Variants in EFL1 observed in about 807,000 individuals in gnomAD.
EFL1 encodes the protein elongation factor-like GTPase 1.
A neutral mutation model predicts 126.7 loss-of-function variants in EFL1; 76 were observed. The observed-to-expected ratio is 0.60, with a 90% CI of 0.50 to 0.73. EFL1 has a LOEUF of 0.73. Among genes scored for constraint, EFL1 ranks in the 30% least tolerant of loss-of-function variants. The pLI, the probability that EFL1 is intolerant of heterozygous loss-of-function variation, is 0.00. For synonymous variants in EFL1, 410 were observed against 448.4 expected (o/e 0.91, Z 1.08); for missense variants, 1,128 against 1,343.2 (o/e 0.84, Z 2.50).
In EFL1 at chr15:82,151,545, C is replaced by G; in HGVS notation, c.2909G>C (p.Arg970Pro). Residue 970 changes from arginine to proline, a missense_variant, in exon 18 of 20, where the codon CGC becomes CCC. This residue lies in a region of EFL1 where 561 missense variants were observed against 641.7 expected (regional missense o/e 0.87). Transcript: ENST00000268206. ...QLIATMKEAC[R>P]YALQVKPQRL... ...CTGAGGTTTCACTTGCAGTGCATAGCGACATGCTTCTTTCATGGTGGCAAT... is the reference window on the plus strand; with the variant it reads ...CTGAGGTTTCACTTGCAGTGCATAGGGACATGCTTCTTTCATGGTGGCAAT... 6.2e-7 allele frequency: 1 copy of G among 1,614,074 alleles called. No homozygotes were observed. The highest frequency in any genetic ancestry group is 8.5e-7 in the Non-Finnish European group (1 of 1,180,024).
At chr15:82,147,588 G>C (rs1324567030) in intron 18 of EFL1, among the ~76,000 whole-genome samples, 1 of 145,858 alleles carries the variant, frequency 6.9e-6, no homozygotes. Flanking sequence ...GCTGCAGTGA[G>C]CTGAGATTGT....
At chr15:82,163,028 T>C (rs533128392) in intron 16 of EFL1, among the ~76,000 whole-genome samples, 1 of 152,312 alleles carries the variant, frequency 6.6e-6, no homozygotes, top group African/African-American at 2.4e-5. Context: ...AAGGATTGAC[T>C]AGGCAAATAC....
Position 82,230,946 on chromosome 15 carries a change from T to C in EFL1, c.757A>G (p.Ser253Gly), listed in dbSNP as rs1461000987. The C allele has an allele frequency of 1.2e-6, 2 of 1,613,048 alleles. No homozygotes were observed. Among genetic ancestry groups the C allele is most frequent in the Non-Finnish European group, 8.5e-7 (1 of 1,179,554 alleles). ...TCCTTTTTGATGCCAATTTTTTGAC[T>C]GTAGATTCTGGCGAAGTGCTCAATT... ...FGIEHFARIY[S>G]QKIGIKKEVL... Residue 253 changes from serine to glycine, a missense_variant, in exon 8 of 20, where the codon AGT (serine) becomes GGT (glycine). Coordinates refer to ENST00000268206, the MANE Select transcript of EFL1 (RefSeq NM_024580.6).
rs1444119576 is a variant in EFL1, at chr15:82,151,479, G to A, written c.2975C>T (p.Thr992Ile). The A allele has an allele frequency of 6.2e-7, 1 of 1,609,836 alleles. No individual in the cohort carries two copies. The highest frequency in any genetic ancestry group is 1.3e-5 in the African/African-American group (1 of 74,762). Residue 992 changes from threonine to isoleucine, a missense_variant, in exon 18 of 20, where the codon ACT (threonine) becomes ATT (isoleucine). Thr to Ile is a moderately conservative substitution (Grantham distance 89). Around this residue, in one of 6 missense-constraint regions of EFL1, gnomAD observed 561 missense variants for 641.7 expected, o/e 0.87. Coordinates refer to ENST00000268206, the MANE Select transcript of EFL1 (RefSeq NM_024580.6). ...AAMYTCDIMA[T>I]GDVLGRVYAV... The stretch of plus-strand genomic sequence containing the variant: ...TTCTTCCTTACCGAGAACATCACCA[G>A]TGGCCATGATGTCACATGTGTACAT...
chr15:82,192,534 T>C (rs985209841), intron 15 of EFL1, among the ~76,000 whole-genome samples: 3 of 152,236 alleles, frequency 2.0e-5, no homozygotes, highest in Non-Finnish European at 4.4e-5. Flanking sequence ...GAATTATTCA[T>C]GGATAACCAA....
At chr15:82,175,705 T>C (rs1400147341) in intron 15 of EFL1, among the ~76,000 whole-genome samples, 1 of 152,066 alleles carries the variant, frequency 6.6e-6, no homozygotes, top group Non-Finnish European at 1.5e-5. Context: ...AATACAAAAA[T>C]TAGCCGGCAA....
chr15:82,176,824 T>C (rs1054321857), intron 15 of EFL1, among the ~76,000 whole-genome samples: 1 of 152,198 alleles, frequency 6.6e-6, no homozygotes, highest in Non-Finnish European at 1.5e-5. Context: ...TGTATAAGAA[T>C]ATTCAAAGTG....
chr15:82,238,228 CA>C, intron 7 of EFL1, 78 bp downstream of exon 7: 1 of 1,467,658 alleles, frequency 6.8e-7, no homozygotes, highest in Non-Finnish European at 9.3e-7. Flanking sequence ...ATAATTATCT[CA>C]AAATAAAAGT....
chr15:82,142,406 T>C (rs887898926), intron 18 of EFL1, among the ~76,000 whole-genome samples: 1 of 152,026 alleles, frequency 6.6e-6, no homozygotes, highest in Non-Finnish European at 1.5e-5. Flanking sequence ...AGGAGGATCA[T>C]CTGAGCTCAG....
Position 82,211,595 on chromosome 15 carries a change from G to GACACACACACACACACACACAC in EFL1, c.1750+3100_1750+3121dup, listed in dbSNP as rs10543301. Reference sequence around the variant, plus strand: ...ACACACACACACTAGACACATACTAGACACACACACACACACACACACACT... The same window carrying GACACACACACACACACACACAC: ...ACACACACACACTAGACACATACTAGACACACACACACACACACACACACACACACACACACACACACACACT... On this transcript the variant is annotated intron_variant, in intron 15 of 19. Coordinates refer to ENST00000268206, the MANE Select transcript of EFL1 (RefSeq NM_024580.6). Among the ~76,000 whole-genome samples the GACACACACACACACACACACAC allele has an allele frequency of 2.4e-3, 259 of 105,778 alleles. 9 individuals carry two copies. Among genetic ancestry groups the GACACACACACACACACACACAC allele is most frequent in the Middle Eastern group, 9.7e-3 (2 of 206 alleles). The allele number at this position is 105,778 out of a possible 152,430, so 69.4% of individuals were successfully genotyped here.
At chr15:82,145,790 C>T (rs928890007) in intron 18 of EFL1, among the ~76,000 whole-genome samples, 1 of 149,194 alleles carries the variant, frequency 6.7e-6, no homozygotes, top group Non-Finnish European at 1.5e-5. Context: ...GAGCCAAGAT[C>T]GTGCCATTGC....
At chr15:82,179,535 C>T (rs1012069167) in intron 15 of EFL1, among the ~76,000 whole-genome samples, 1 of 152,024 alleles carries the variant, frequency 6.6e-6, no homozygotes, top group African/African-American at 2.4e-5. Context: ...GGAGAGAGCC[C>T]AGTTTTCCTG....
intron 7 of EFL1, among the ~76,000 whole-genome samples, chr15:82,235,352 T>C (rs1274823883): frequency 6.6e-6 from 1 of 152,194 alleles, no homozygotes; most frequent in Non-Finnish European, 1.5e-5. Context: ...AAAGTTGATA[T>C]AAATATATTT....
At chr15:82,168,994 T>C (rs192415373) in intron 15 of EFL1, among the ~76,000 whole-genome samples, 3,160 of 147,732 alleles carry the variant, frequency 0.021, 47 homozygotes, top group Middle Eastern at 0.068. Context: ...TTGAGTTTTA[T>C]TATGTGTCAC....
chr15:82,231,974 G>A (rs2074826963), intron 7 of EFL1, among the ~76,000 whole-genome samples: 1 of 152,142 alleles, frequency 6.6e-6, no homozygotes. Flanking sequence ...ACGGCACACA[G>A]AGCCTTACTT....
At chr15:82,219,613 C>T (rs2651727) in intron 14 of EFL1, 39 bp downstream of exon 14, 46 of 1,570,538 alleles carry the variant, frequency 2.9e-5, no homozygotes, top group South Asian at 7.1e-5. Context: ...ATCAGACCCT[C>T]GAGAAACAAT....
intron 15 of EFL1, among the ~76,000 whole-genome samples, chr15:82,184,423 T>C (rs2074282338): frequency 6.6e-6 from 1 of 152,216 alleles, no homozygotes; most frequent in Non-Finnish European, 1.5e-5. Context: ...GCAATCAGGT[T>C]GACCTGTGAA....
At chr15:82,260,379 T>C (rs2141346959) in intron 2 of EFL1, among the ~76,000 whole-genome samples, 1 of 152,348 alleles carries the variant, frequency 6.6e-6, no homozygotes, top group African/African-American at 2.4e-5. Context: ...ATCCACTATC[T>C]GTCTTTCTGT....
intron 9 of EFL1, among the ~76,000 whole-genome samples, chr15:82,228,813 A>T (rs915126046): frequency 1.3e-5 from 2 of 152,030 alleles, no homozygotes; most frequent in Non-Finnish European, 2.9e-5. Flanking sequence ...TCTCCTCAGC[A>T]CTCTATAAAA....
Sources: allele counts gnomAD v4.1 joint callset (sites outside exome capture counted in the v4.1 genomes callset), GRCh38; gene constraint gnomAD v4.1.1; regional missense constraint gnomAD v4.1.1; transcripts MANE v1.5; gene names NCBI Gene and HGNC (gene_info 2026-07-23, HGNC 2026-07-21).